Variants in SYT16 observed in about 807,000 individuals in gnomAD.
The protein encoded by SYT16 is synaptotagmin-16.
Under a neutral mutation model 61.4 loss-of-function variants are expected in SYT16, and 42 were observed. The observed-to-expected ratio is 0.68, with a 90% confidence interval of 0.53 to 0.89. SYT16 has a LOEUF of 0.89. Among genes scored for constraint, SYT16 ranks in the 40% least tolerant of loss-of-function variants. SYT16 has a pLI of 0.00. For missense variants in SYT16, 804 were observed against 807.3 expected, an observed-to-expected ratio of 1.00 and a Z score of 0.05; for synonymous variants, 314 against 302.3, an observed-to-expected ratio of 1.04 and a Z score of -0.40.
chr14:62,021,514 C>T (rs2053908368), intron 3 of SYT16, among the ~76,000 whole-genome samples: 1 of 151,718 alleles, frequency 6.6e-6, no homozygotes, highest in African/African-American at 2.4e-5. Context: ...TCCCTTTCCC[C>T]AGTTGCAGAG....
chr14:61,901,840 C>T (rs1367991143), intron 1 of SYT16, among the ~76,000 whole-genome samples: 1 of 151,762 alleles, frequency 6.6e-6, no homozygotes, highest in African/African-American at 2.4e-5. Context: ...TGGCTCACTG[C>T]AACCTCCACC....
chr14:61,856,032 G>A (rs2046763510), intron 1 of SYT16, among the ~76,000 whole-genome samples: 1 of 152,244 alleles, frequency 6.6e-6, no homozygotes, highest in Non-Finnish European at 1.5e-5. Context: ...TATGTGGTGT[G>A]GTTGAGGGAT....
intron 1 of SYT16, among the ~76,000 whole-genome samples, chr14:61,863,269 A>G (rs1269881529): frequency 2.0e-5 from 3 of 149,318 alleles, no homozygotes; most frequent in African/African-American, 7.5e-5. Context: ...TTGTTCCGCA[A>G]CCTCTCCAGC....
intron 3 of SYT16, among the ~76,000 whole-genome samples, chr14:62,058,868 C>A (rs1222727384): frequency 6.6e-6 from 1 of 152,136 alleles, no homozygotes; most frequent in Non-Finnish European, 1.5e-5. Context: ...GGCATATATG[C>A]ACCGTGGAAT....
chr14:61,943,717 T>C (rs2050305008), intron 1 of SYT16, among the ~76,000 whole-genome samples: 3 of 152,168 alleles, frequency 2.0e-5, no homozygotes, highest in African/African-American at 4.8e-5. Context: ...AAATTAGGCA[T>C]TGATGGAATG....
intron 4 of SYT16, 48 bp downstream of exon 4, chr14:62,069,863 T>C (rs768738502): frequency 1.3e-6 from 2 of 1,577,260 alleles, no homozygotes; most frequent in Admixed American, 3.4e-5. Flanking sequence ...TGGCCAATGG[T>C]AAGAGTGCAT....
At chr14:62,079,223 T>G in intron 5 of SYT16, 1 of 356,422 alleles carries the variant, frequency 2.8e-6, no homozygotes, top group Non-Finnish European at 4.3e-6. Flanking sequence ...TAGCAACCAC[T>G]TTTATCACTT....
intron 3 of SYT16, among the ~76,000 whole-genome samples, chr14:62,037,936 AG>A (rs2054573802): frequency 6.6e-6 from 1 of 152,172 alleles, no homozygotes; most frequent in Non-Finnish European, 1.5e-5. Flanking sequence ...GCATGGGCAG[AG>A]GTCTTTTTAT....
intron 2 of SYT16, among the ~76,000 whole-genome samples, chr14:61,978,258 G>A (rs2051905198): frequency 6.6e-6 from 1 of 152,162 alleles, no homozygotes; most frequent in South Asian, 2.1e-4. Flanking sequence ...GCCCAACTTG[G>A]CAGTGGTTTC....
At chr14:61,988,130 C>A (rs1041414883) in intron 2 of SYT16, among the ~76,000 whole-genome samples, 37 of 152,270 alleles carry the variant, frequency 2.4e-4, no homozygotes, top group African/African-American at 8.9e-4. Flanking sequence ...GATGTGCGCC[C>A]ATGGCCCTGG....
intron 3 of SYT16, among the ~76,000 whole-genome samples, chr14:62,039,660 GCAGA>G (rs2054639212): frequency 6.6e-6 from 1 of 152,044 alleles, no homozygotes; most frequent in South Asian, 2.1e-4. Flanking sequence ...CAGGAATTCA[GCAGA>G]CAGAGCAATA....
At chr14:62,083,121 T>C (rs777155640) in intron 6 of SYT16, among the ~76,000 whole-genome samples, 19 of 149,218 alleles carry the variant, frequency 1.3e-4, no homozygotes, top group Non-Finnish European at 1.0e-4. Context: ...CCCTGCCGTT[T>C]ACAAACTATG....
intron 2 of SYT16, among the ~76,000 whole-genome samples, chr14:61,986,445 T>TTA (rs890909209): frequency 2.1e-4 from 31 of 149,184 alleles, no homozygotes; most frequent in East Asian, 7.8e-4. Context: ...TTTAAAAAAT[T>TTA]TATATATATA....
At chr14:61,970,075 T>A (rs1238915933) in intron 1 of SYT16, 57 bp from the exon 2 acceptor site, 5 of 152,214 alleles carry the variant, frequency 3.3e-5, no homozygotes, top group African/African-American at 1.2e-4. Context: ...TTGTTAGAAC[T>A]GAAACTTAGG....
At chr14:61,814,609 T>C (rs558505957) in intron 1 of SYT16, among the ~76,000 whole-genome samples, 2 of 152,348 alleles carry the variant, frequency 1.3e-5, no homozygotes, top group South Asian at 4.1e-4. Flanking sequence ...CTTTTGCCCA[T>C]TGATTTTGTT....
intron 1 of SYT16, among the ~76,000 whole-genome samples, chr14:61,856,134 G>A (rs1015220830): frequency 1.3e-5 from 2 of 152,212 alleles, no homozygotes; most frequent in East Asian, 1.9e-4. Flanking sequence ...GATGTGACGG[G>A]ATGGCCCCTG....
chr14:61,960,487 A>G (rs1464007904), intron 1 of SYT16, among the ~76,000 whole-genome samples: 1 of 152,018 alleles, frequency 6.6e-6, no homozygotes, highest in Non-Finnish European at 1.5e-5. Flanking sequence ...TTTGTTCTTG[A>G]TTGGCTCTGA....
At chr14:61,846,471 T>C (rs2046449613) in intron 1 of SYT16, among the ~76,000 whole-genome samples, 2 of 152,198 alleles carry the variant, frequency 1.3e-5, no homozygotes, top group Admixed American at 1.3e-4. Flanking sequence ...GATATAAGTA[T>C]AGTGATTCCT....
intron 2 of SYT16, among the ~76,000 whole-genome samples, chr14:61,988,420 C>T (rs932632112): frequency 5.3e-5 from 8 of 152,200 alleles, no homozygotes; most frequent in South Asian, 2.1e-4. Context: ...TGAGTATTTG[C>T]GGAACATGTT....
Sources: gnomAD v4.1 joint callset for allele counts (sites outside exome capture counted in the v4.1 genomes callset) on GRCh38, gnomAD v4.1.1 for gene constraint, MANE v1.5 for transcripts, NCBI Gene and HGNC (gene_info 2026-07-23, HGNC 2026-07-21) for gene names.